The following LRRTM4 variants were observed in gnomAD, a reference collection of about 807,000 sequenced individuals.
The protein encoded by LRRTM4 is leucine-rich repeat transmembrane neuronal protein 4.
A neutral mutation model predicts 47.6 loss-of-function variants in LRRTM4; 25 were observed. That is an observed-to-expected ratio of 0.53 (90% confidence interval 0.38 to 0.73). The LOEUF (loss-of-function observed/expected upper bound fraction) is 0.73, where lower values mean the gene tolerates loss of function less well. Among genes scored for constraint, LRRTM4 ranks in the 30% least tolerant of loss-of-function variants. The pLI is 0.00. For missense variants in LRRTM4, 638 were observed against 713.4 expected (o/e 0.89, Z 1.20); for synonymous variants, 311 against 269.5 (o/e 1.15, Z -1.51).
intron 3 of LRRTM4, among the ~76,000 whole-genome samples, chr2:77,404,805 T>C (rs1334191279): frequency 1.3e-5 from 2 of 151,794 alleles, no homozygotes; most frequent in African/African-American, 4.8e-5. Flanking sequence ...ATCACAGGAG[T>C]GGTGGGAAAG....
intron 3 of LRRTM4, among the ~76,000 whole-genome samples, chr2:77,293,583 G>A (rs1193483168): frequency 6.6e-6 from 1 of 152,102 alleles, no homozygotes; most frequent in Non-Finnish European, 1.5e-5. Context: ...TTGACAGACA[G>A]ACAAGAAGAA....
chr2:76,907,395 G>T (rs1275241580), intron 3 of LRRTM4, among the ~76,000 whole-genome samples: 1 of 150,746 alleles, frequency 6.6e-6, no homozygotes, highest in Non-Finnish European at 1.5e-5. Context: ...AAGCAGGAAA[G>T]ATCCAAAATT....
intron 3 of LRRTM4, among the ~76,000 whole-genome samples, chr2:77,446,932 A>C (rs1004590006): frequency 1.3e-5 from 2 of 152,178 alleles, no homozygotes; most frequent in Non-Finnish European, 2.9e-5. Context: ...CTTTCTTGAC[A>C]AATCAAATAG....
chr2:76,777,272 G>C (rs1232874075), intron 3 of LRRTM4, among the ~76,000 whole-genome samples: 2 of 146,968 alleles, frequency 1.4e-5, no homozygotes, highest in Non-Finnish European at 3.0e-5. Context: ...GAACTTTAAA[G>C]TAGTTTTTTC....
chr2:77,334,213 T>C (rs914637644), intron 3 of LRRTM4, among the ~76,000 whole-genome samples: 12 of 152,152 alleles, frequency 7.9e-5, no homozygotes, highest in African/African-American at 2.4e-4. Flanking sequence ...GATGTTGGAA[T>C]GTGGACTTTT....
chr2:77,315,643 T>C (rs921888359), intron 3 of LRRTM4, among the ~76,000 whole-genome samples: 10 of 152,166 alleles, frequency 6.6e-5, no homozygotes, highest in African/African-American at 2.2e-4. Flanking sequence ...TTCCTTTCCT[T>C]TGAGCAATTT....
chr2:77,232,874 A>C (rs1323492849), intron 3 of LRRTM4, among the ~76,000 whole-genome samples: 1 of 152,196 alleles, frequency 6.6e-6, no homozygotes, highest in African/African-American at 2.4e-5. Flanking sequence ...TTGCAGTTTG[A>C]ATCAAAACAT....
At chr2:76,841,118 C>T (rs1671662977) in intron 3 of LRRTM4, among the ~76,000 whole-genome samples, 1 of 144,764 alleles carries the variant, frequency 6.9e-6, no homozygotes, top group Non-Finnish European at 1.5e-5. Flanking sequence ...AGTTCATGTC[C>T]TTTGTAGGGA....
chr2:77,124,778 G>A (rs764584748), intron 3 of LRRTM4, among the ~76,000 whole-genome samples: 62 of 152,134 alleles, frequency 4.1e-4, no homozygotes, highest in Admixed American at 8.5e-4. Flanking sequence ...AAGATATTCT[G>A]TGGAATATGG....
chr2:76,813,756 A>G (rs116298131), intron 3 of LRRTM4, among the ~76,000 whole-genome samples: 2,373 of 152,184 alleles, frequency 0.016, 54 homozygotes, highest in African/African-American at 0.05. Context: ...GTTTCAATAA[A>G]CCTTTTTAAG....
At chr2:77,248,959 A>G (rs1675526220) in intron 3 of LRRTM4, among the ~76,000 whole-genome samples, 1 of 152,230 alleles carries the variant, frequency 6.6e-6, no homozygotes, top group Non-Finnish European at 1.5e-5. Context: ...ATAACATAGA[A>G]GAAAATTTAG....
At chr2:77,388,193 C>T (rs996639998) in intron 3 of LRRTM4, among the ~76,000 whole-genome samples, 11 of 151,366 alleles carry the variant, frequency 7.3e-5, no homozygotes, top group East Asian at 5.8e-4. Context: ...TTCCTGAAAG[C>T]GAACAGTTAT....
chr2:77,424,674 A>T (rs1028227844), intron 3 of LRRTM4, among the ~76,000 whole-genome samples: 1 of 152,222 alleles, frequency 6.6e-6, no homozygotes, highest in Middle Eastern at 3.2e-3. Context: ...ATGATTGTAC[A>T]ATTTGCCATC....
In LRRTM4 at chr2:77,518,871, T is replaced by A. The variant is rs749570274; in HGVS notation, c.998A>T (p.Lys333Met). The A allele has an allele frequency of 1.9e-6, 3 of 1,605,560 alleles. No individual in the cohort carries two copies. The South Asian group carries it at 3.3e-5, about 18-fold the overall frequency. The part of the protein sequence containing the change: ...FYWLKNFKGN[K>M]ESTMICAGPK... ...TCCCGCACATATCATGGTGCTTTCC[T>A]TATTTCCTTTGAAATTCTTAAGCCA... Residue 333 changes from lysine (K) to methionine (M), a missense_variant, in exon 3 of 4, where the codon AAG (lysine) becomes ATG (methionine). By Grantham distance (95) the Lys-to-Met change is moderately conservative. Transcript: ENST00000409884.
intron 3 of LRRTM4, among the ~76,000 whole-genome samples, chr2:76,783,020 A>G (rs192058049): frequency 2.0e-5 from 3 of 152,300 alleles, no homozygotes; most frequent in East Asian, 3.9e-4. Flanking sequence ...ATATATATAT[A>G]TAAAGCTGAA....
At chr2:76,802,337 C>T (rs1675743108) in intron 3 of LRRTM4, among the ~76,000 whole-genome samples, 1 of 151,056 alleles carries the variant, frequency 6.6e-6, no homozygotes, top group Non-Finnish European at 1.5e-5. Context: ...TAACAACAAA[C>T]TACACAAATA....
At chr2:77,337,418 G>C (rs1211772787) in intron 3 of LRRTM4, among the ~76,000 whole-genome samples, 2 of 152,042 alleles carry the variant, frequency 1.3e-5, no homozygotes, top group Non-Finnish European at 2.9e-5. Context: ...GATATGGTTT[G>C]ACTGTGTCTC....
intron 3 of LRRTM4, among the ~76,000 whole-genome samples, chr2:76,995,487 C>A (rs1211401927): frequency 6.6e-6 from 1 of 151,922 alleles, no homozygotes; most frequent in Non-Finnish European, 1.5e-5. Context: ...TAAATGAAGC[C>A]TGAATGATAA....
intron 3 of LRRTM4, among the ~76,000 whole-genome samples, chr2:77,483,412 C>T (rs921757230): frequency 1.3e-5 from 2 of 152,090 alleles, no homozygotes; most frequent in Admixed American, 6.5e-5. Context: ...ATGATCTCTG[C>T]TCACTGCAAC....
Sources: allele counts gnomAD v4.1 joint callset (sites outside exome capture counted in the v4.1 genomes callset), GRCh38; gene constraint gnomAD v4.1.1; transcripts MANE v1.5; gene names NCBI Gene and HGNC (gene_info 2026-07-23, HGNC 2026-07-21).